Variants in PCDH15 observed in about 807,000 individuals in gnomAD.
PCDH15 encodes the protein protocadherin related 15, also known as protocadherin-15.
A neutral mutation model predicts 178.5 loss-of-function variants in PCDH15; 129 were observed. The observed-to-expected ratio is 0.72, with a 90% confidence interval of 0.63 to 0.84. The LOEUF (loss-of-function observed/expected upper bound fraction) is 0.84, where lower values mean the gene tolerates loss of function less well. Among genes scored for constraint, PCDH15 ranks in the 40% least tolerant of loss-of-function variants. The pLI, the probability that PCDH15 is intolerant of heterozygous loss-of-function variation, is 0.00. For missense variants in PCDH15, 2,230 were observed against 2,099.9 expected, an observed-to-expected ratio of 1.06 and a Z score of -1.21; for synonymous variants, 800 against 732.0, an observed-to-expected ratio of 1.09 and a Z score of -1.50.
At chr10:54,555,401 T>C (rs1255641770) in intron 2 of PCDH15, among the ~76,000 whole-genome samples, 1 of 151,994 alleles carries the variant, frequency 6.6e-6, no homozygotes, top group East Asian at 1.9e-4. Context: ...CTAATTTAAG[T>C]GCTCTCTTGA....
At chr10:54,428,257 A>G (rs1440332209) in intron 3 of PCDH15, among the ~76,000 whole-genome samples, 1 of 152,218 alleles carries the variant, frequency 6.6e-6, no homozygotes, top group Non-Finnish European at 1.5e-5. Flanking sequence ...TAGCTGGCTA[A>G]TGTAGTGATA....
intron 3 of PCDH15, among the ~76,000 whole-genome samples, chr10:54,475,828 T>C (rs1479871670): frequency 6.6e-6 from 1 of 151,080 alleles, no homozygotes; most frequent in Non-Finnish European, 1.5e-5. Context: ...TAAACTTATA[T>C]TGATCCATTT....
At chr10:54,312,712 T>C (rs2060986643) in intron 8 of PCDH15, among the ~76,000 whole-genome samples, 1 of 152,084 alleles carries the variant, frequency 6.6e-6, no homozygotes, top group South Asian at 2.1e-4. Context: ...TTAATCATTA[T>C]GAAAGTGGCA....
intron 3 of PCDH15, among the ~76,000 whole-genome samples, chr10:54,438,145 G>A (rs1759571458): frequency 1.3e-5 from 2 of 151,802 alleles, no homozygotes; most frequent in South Asian, 2.1e-4. Flanking sequence ...GCTCAGAATT[G>A]ATATGTAACA....
chr10:54,774,007 C>CTTTTTTTTTTTTTTTTTTTTTTT (rs763704132), intron 1 of PCDH15, among the ~76,000 whole-genome samples: 3 of 75,378 alleles, frequency 4.0e-5, no homozygotes, highest in Non-Finnish European at 5.1e-5. Context: ...ACTTCATAGG[C>CTTTTTTTTTTTTTTTTTTTTTTT]TTTTTTTTTT....
intron 18 of PCDH15, among the ~76,000 whole-genome samples, chr10:54,028,488 CAT>C (rs1358430247): frequency 1.3e-5 from 2 of 152,116 alleles, no homozygotes; most frequent in South Asian, 2.1e-4. Context: ...CACATGCACA[CAT>C]ATGTTTATTG....
At chr10:54,519,914 C>A (rs200492345) in intron 3 of PCDH15, among the ~76,000 whole-genome samples, 7 of 152,116 alleles carry the variant, frequency 4.6e-5, no homozygotes, top group Admixed American at 3.9e-4. Flanking sequence ...GGCCGCATAT[C>A]TACAACTATC....
chr10:54,566,004 A>C (rs989178461), intron 2 of PCDH15, among the ~76,000 whole-genome samples: 1 of 152,172 alleles, frequency 6.6e-6, no homozygotes, highest in African/African-American at 2.4e-5. Context: ...GAATCGTTTG[A>C]AACTGGGAAG....
chr10:55,470,887 G>T (rs1839942020), intron 2 of PCDH15, among the ~76,000 whole-genome samples: 1 of 150,620 alleles, frequency 6.6e-6, no homozygotes, highest in South Asian at 2.1e-4. Context: ...TTTCCAGAAT[G>T]TCATATGGAA....
At chr10:54,740,738 G>A (rs1944687941) in intron 1 of PCDH15, among the ~76,000 whole-genome samples, 1 of 151,932 alleles carries the variant, frequency 6.6e-6, no homozygotes, top group South Asian at 2.1e-4. Flanking sequence ...TAGAACTGGA[G>A]GTCATTATGT....
At chr10:54,191,988 G>A (rs2049046660) in intron 11 of PCDH15, among the ~76,000 whole-genome samples, 2 of 139,342 alleles carry the variant, frequency 1.4e-5, no homozygotes, top group South Asian at 5.3e-4. Context: ...GGAAGGGACG[G>A]GGGGAAGGAA....
At chr10:54,109,244 CAG>C (rs2132677821) in intron 15 of PCDH15, among the ~76,000 whole-genome samples, 2 of 152,220 alleles carry the variant, frequency 1.3e-5, no homozygotes, top group African/African-American at 4.8e-5. Flanking sequence ...GGTATAAACA[CAG>C]AAGGATGAAA....
At chr10:55,289,662 A>G (rs1336604432) in intron 1 of PCDH15, among the ~76,000 whole-genome samples, 1 of 151,994 alleles carries the variant, frequency 6.6e-6, no homozygotes, top group Non-Finnish European at 1.5e-5. Flanking sequence ...ATTGTATCCA[A>G]ATTGTTCCAT....
At chr10:55,091,687 A>G (rs1321188097) in intron 2 of PCDH15, among the ~76,000 whole-genome samples, 3 of 151,924 alleles carry the variant, frequency 2.0e-5, no homozygotes, top group Admixed American at 1.3e-4. Context: ...TTATGCAGGC[A>G]TATCTACTCA....
intron 2 of PCDH15, among the ~76,000 whole-genome samples, chr10:54,627,011 A>G (rs2093572697): frequency 6.6e-6 from 1 of 152,158 alleles, no homozygotes; most frequent in South Asian, 2.1e-4. Flanking sequence ...TGCCCCCTGG[A>G]TTTCCAACTT....
rs1355272527 is a variant in PCDH15, at chr10:54,221,999, A to C, written c.986-7951T>G. ...TGTTTCATTTATCAATAGTTTATTT[A>C]TTTCTATTGCCTAGGTGTTATTCTA... On this transcript the variant is annotated intron_variant, in intron 9 of 37. Transcript: ENST00000644397. 2.0e-5 allele frequency among the ~76,000 whole-genome samples: 3 copies of C among 152,132 alleles called. No individual in the cohort carries two copies. In the East Asian group the frequency reaches 5.8e-4, roughly 29 times the overall value.
chr10:54,836,483 C>T (rs1055902854), intron 3 of PCDH15, among the ~76,000 whole-genome samples: 9 of 152,008 alleles, frequency 5.9e-5, no homozygotes, highest in Admixed American at 5.9e-4. Context: ...AAGTAATCCA[C>T]CCTATACTGC....
intron 13 of PCDH15, among the ~76,000 whole-genome samples, chr10:54,161,588 C>T (rs1179443864): frequency 1.1e-5 from 1 of 93,646 alleles, no homozygotes; most frequent in South Asian, 5.6e-4. Flanking sequence ...ATTGACCCCC[C>T]ACCCCCACCC....
At chr10:54,006,187 T>A (rs900892793) in intron 20 of PCDH15, among the ~76,000 whole-genome samples, 3 of 152,164 alleles carry the variant, frequency 2.0e-5, no homozygotes, top group African/African-American at 7.2e-5. Context: ...ATAGGAAATA[T>A]GTTATATCTT....
Sources: gnomAD v4.1 joint callset for allele counts (sites outside exome capture counted in the v4.1 genomes callset) on GRCh38, gnomAD v4.1.1 for gene constraint, MANE v1.5 for transcripts, NCBI Gene and HGNC (gene_info 2026-07-23, HGNC 2026-07-21) for gene names.